The following ARHGAP26 variants were observed in gnomAD, a reference collection of about 807,000 sequenced individuals.
The protein encoded by ARHGAP26 is Rho GTPase activating protein 26, also known as rho GTPase-activating protein 26.
A neutral mutation model predicts 104.8 loss-of-function variants in ARHGAP26; 38 were observed. That is an observed-to-expected ratio of 0.36 (90% CI 0.28 to 0.48). The LOEUF (loss-of-function observed/expected upper bound fraction) is 0.48. Among genes scored for constraint, ARHGAP26 ranks in the 20% least tolerant of loss-of-function variants. The probability of loss-of-function intolerance (pLI) is 0.99; values close to 1 mark genes in which losing one functional copy is unlikely to be tolerated. For missense variants in ARHGAP26, 704 were observed against 947.9 expected (o/e 0.74, Z 3.38); for synonymous variants, 341 against 340.0 (o/e 1.00, Z -0.03).
chr5:143,030,791 A>G (rs774537495), intron 12 of ARHGAP26, among the ~76,000 whole-genome samples: 1 of 152,260 alleles, frequency 6.6e-6, no homozygotes, highest in Non-Finnish European at 1.5e-5. Flanking sequence ...CACACTTCCA[A>G]TTCATATCCA....
chr5:143,010,871 T>A (rs952478063), intron 11 of ARHGAP26: 1 of 152,220 alleles, frequency 6.6e-6, no homozygotes, highest in African/African-American at 2.4e-5. Flanking sequence ...GGATAGAATG[T>A]TTGAATTTAC....
At chr5:142,939,509 C>T (rs1765931264) in intron 11 of ARHGAP26, among the ~76,000 whole-genome samples, 1 of 152,192 alleles carries the variant, frequency 6.6e-6, no homozygotes, top group African/African-American at 2.4e-5. Context: ...AGCTCTAACC[C>T]CCTAGTCCTT....
In ARHGAP26 at chr5:142,834,702, C is replaced by T. The variant is rs112951894; in HGVS notation, c.155-38698C>T. On this transcript the variant is annotated intron_variant, in intron 1 of 22. Transcript: ENST00000645722. ...TCCAAAAGGACAAAGGTGGAAGCTC[C>T]GGGCCTCTTGAGGCCTAGGCTTTGG... Among the ~76,000 whole-genome samples the T allele has an allele frequency of 7.1e-3, 1,085 of 152,278 alleles. 15 individuals carry two copies. The highest frequency in any genetic ancestry group is 0.025 in the African/African-American group (1,030 of 41,532).
At chr5:142,979,181 G>A (rs1773566266) in intron 11 of ARHGAP26, among the ~76,000 whole-genome samples, 1 of 152,166 alleles carries the variant, frequency 6.6e-6, no homozygotes, top group African/African-American at 2.4e-5. Context: ...AACGTTATTA[G>A]CTTAAAGAAG....
intron 1 of ARHGAP26, among the ~76,000 whole-genome samples, chr5:142,777,398 C>T (rs192703615): frequency 8.5e-5 from 13 of 152,282 alleles, no homozygotes; most frequent in African/African-American, 3.1e-4. Flanking sequence ...TGAGAACCGG[C>T]CAAGGAAGAA....
intron 19 of ARHGAP26, among the ~76,000 whole-genome samples, 158 bp from the exon 20 acceptor site, chr5:143,147,073 C>T (rs986561607): frequency 6.6e-6 from 1 of 152,154 alleles, no homozygotes; most frequent in Non-Finnish European, 1.5e-5. Context: ...TCTTCCTTTC[C>T]CACTTTTAAT....
At chr5:142,773,250 A>C (rs1046047790) in intron 1 of ARHGAP26, among the ~76,000 whole-genome samples, 3 of 152,198 alleles carry the variant, frequency 2.0e-5, no homozygotes, top group Admixed American at 2.0e-4. Context: ...TCCCAGTACA[A>C]CTTAAACATA....
chr5:143,016,231 C>T (rs1433716661), intron 12 of ARHGAP26, among the ~76,000 whole-genome samples: 2 of 152,130 alleles, frequency 1.3e-5, no homozygotes, highest in Admixed American at 1.3e-4. Flanking sequence ...TACTTGACCT[C>T]CCTCAAGAAA....
chr5:143,194,703 T>A (rs1483710291), intron 20 of ARHGAP26, among the ~76,000 whole-genome samples: 6 of 152,236 alleles, frequency 3.9e-5, no homozygotes, highest in Non-Finnish European at 7.3e-5. Context: ...TTCCTTCAAT[T>A]TGTTTTTATT....
rs1811469082 is a variant in ARHGAP26 at position 143,224,082 on chromosome 5, T to C, written c.*1636T>C. On this transcript the variant is annotated 3_prime_UTR_variant, in exon 23 of 23. Transcript: ENST00000645722. ...TTAAAGAAGAAAAGAAAAACTTGAA[T>C]TGTGTTGAATTACTGTATCTTTTAC... 1 of 228,402 alleles carries C rather than the reference T, an allele frequency of 4.4e-6. No homozygotes were observed. Among genetic ancestry groups the C allele is most frequent in the Non-Finnish European group, 8.6e-6 (1 of 115,832 alleles). 14.1% of individuals were successfully genotyped at this position (228,402 alleles called of 1,614,324 possible).
intron 5 of ARHGAP26, among the ~76,000 whole-genome samples, chr5:142,888,068 A>G (rs1380794555): frequency 6.6e-6 from 1 of 152,208 alleles, no homozygotes; most frequent in Non-Finnish European, 1.5e-5. Context: ...ATATAGGGAA[A>G]CATTTGTTGA....
intron 10 of ARHGAP26, among the ~76,000 whole-genome samples, chr5:142,916,326 G>A (rs893077360): frequency 6.6e-6 from 1 of 152,114 alleles, no homozygotes; most frequent in African/African-American, 2.4e-5. Flanking sequence ...GTATCCTTTA[G>A]GAGGTGATAT....
chr5:142,898,646 C>A (rs1759839227), intron 6 of ARHGAP26, among the ~76,000 whole-genome samples: 2 of 152,192 alleles, frequency 1.3e-5, no homozygotes, highest in Admixed American at 1.3e-4. Flanking sequence ...TGCCAAGAAG[C>A]TCCTGACAGC....
intron 1 of ARHGAP26, among the ~76,000 whole-genome samples, chr5:142,851,560 A>G (rs906355375): frequency 5.3e-5 from 8 of 152,230 alleles, no homozygotes; most frequent in Admixed American, 3.9e-4. Context: ...CATGCACAAG[A>G]ACTGAGTTTT....
At chr5:143,173,676 A>G (rs952194620) in intron 20 of ARHGAP26, among the ~76,000 whole-genome samples, 5 of 152,156 alleles carry the variant, frequency 3.3e-5, no homozygotes, top group Admixed American at 2.0e-4. Context: ...AAAGTCCACA[A>G]AATCTAACTG....
At chr5:143,135,950 GCCTCA>G (rs1458821518) in intron 19 of ARHGAP26, among the ~76,000 whole-genome samples, 4 of 152,180 alleles carry the variant, frequency 2.6e-5, no homozygotes, top group Non-Finnish European at 5.9e-5. Context: ...AACAGAACTG[GCCTCA>G]CTCACACCTG....
intron 1 of ARHGAP26, among the ~76,000 whole-genome samples, chr5:142,829,563 G>A (rs1767984987): frequency 1.3e-5 from 2 of 152,236 alleles, no homozygotes; most frequent in African/African-American, 2.4e-5. Flanking sequence ...ATTGTGGAGA[G>A]GGTGAGGTGC....
intron 17 of ARHGAP26, among the ~76,000 whole-genome samples, chr5:143,061,737 G>C (rs1314405837): frequency 4.6e-5 from 7 of 152,204 alleles, no homozygotes. Flanking sequence ...AGCTCATGAA[G>C]GACTCAGGTT....
At chr5:142,812,144 T>C (rs979290524) in intron 1 of ARHGAP26, among the ~76,000 whole-genome samples, 1 of 152,040 alleles carries the variant, frequency 6.6e-6, no homozygotes, top group Admixed American at 6.6e-5. Context: ...CTTCCTGTAG[T>C]ATGAGGGTTG....
Sources: allele counts gnomAD v4.1 joint callset (sites outside exome capture counted in the v4.1 genomes callset), GRCh38; gene constraint gnomAD v4.1.1; transcripts MANE v1.5; gene names NCBI Gene and HGNC (gene_info 2026-07-23, HGNC 2026-07-21).